SLC35F1: variants seen among roughly 807,000 people sequenced by gnomAD.
SLC35F1 encodes the protein solute carrier family 35 member F1, also known as chromosome 6 open reading frame 169.
Under a neutral mutation model 48.7 loss-of-function variants are expected in SLC35F1, and 14 were observed. The ratio of observed to expected loss-of-function variants is 0.29; its 90% CI spans 0.19 to 0.45. The LOEUF (loss-of-function observed/expected upper bound fraction) is 0.45, where lower values mean the gene tolerates loss of function less well. Among genes scored for constraint, SLC35F1 ranks in the 20% least tolerant of loss-of-function variants. The pLI is 1.00. For missense variants in SLC35F1, 404 were observed against 500.0 expected (o/e 0.81, Z 1.83); for synonymous variants, 190 against 202.2 (o/e 0.94, Z 0.51).
intron 1 of SLC35F1, among the ~76,000 whole-genome samples, chr6:117,996,055 A>G (rs889164082): frequency 1.3e-5 from 2 of 152,226 alleles, no homozygotes; most frequent in African/African-American, 4.8e-5. Context: ...AACATTACAA[A>G]GAGTATCATG....
Position 118,153,702 on chromosome 6 carries a change from G to GA in SLC35F1, c.174-737dup, listed in dbSNP as rs1354897056. Among the ~76,000 whole-genome samples, 6 of 152,262 alleles carry GA rather than the reference G, an allele frequency of 3.9e-5. No homozygotes were observed. The South Asian group carries it at 8.3e-4, about 21-fold the overall frequency. On this transcript the variant is annotated intron_variant, in intron 1 of 7. Coordinates refer to ENST00000360388, the MANE Select transcript of SLC35F1 (RefSeq NM_001029858.4). The stretch of plus-strand genomic sequence containing the variant: ...AGAGGTCTATAGGGGCAGCGCCTAT[G>GA]AAAAAAGCCACAAAAAATAAGTTGG...
chr6:118,108,089 T>G (rs1773350029), intron 1 of SLC35F1, among the ~76,000 whole-genome samples: 1 of 152,068 alleles, frequency 6.6e-6, no homozygotes, highest in Admixed American at 6.6e-5. Context: ...ATATAATTAT[T>G]TGGAGATTGA....
chr6:118,292,398 T>C (rs1425876977), intron 7 of SLC35F1, among the ~76,000 whole-genome samples: 2 of 152,180 alleles, frequency 1.3e-5, no homozygotes, highest in Non-Finnish European at 2.9e-5. Flanking sequence ...GGAGTTTCCA[T>C]GGCTAGAGGA....
intron 1 of SLC35F1, among the ~76,000 whole-genome samples, chr6:118,149,583 T>C (rs573217457): frequency 6.6e-6 from 1 of 152,314 alleles, no homozygotes; most frequent in African/African-American, 2.4e-5. Flanking sequence ...AATATCTAGC[T>C]CCCTGCAGTA....
intron 1 of SLC35F1, among the ~76,000 whole-genome samples, chr6:118,093,213 A>G (rs182960687): frequency 1.3e-5 from 2 of 152,182 alleles, no homozygotes; most frequent in East Asian, 3.9e-4. Context: ...CTACTCGGGA[A>G]GCTGAGGTAG....
At chr6:118,173,452 G>A (rs75984864) in intron 2 of SLC35F1, among the ~76,000 whole-genome samples, 14 of 151,026 alleles carry the variant, frequency 9.3e-5, no homozygotes, top group African/African-American at 1.7e-4. Flanking sequence ...CATATGGACC[G>A]GTGAGGCAGA....
chr6:118,134,437 G>T (rs139429024), intron 1 of SLC35F1, among the ~76,000 whole-genome samples: 4 of 152,276 alleles, frequency 2.6e-5, no homozygotes, highest in East Asian at 1.9e-4. Context: ...GCACTCCAGG[G>T]GCATAAGAGC....
At chr6:118,164,543 A>C (rs527240239) in intron 2 of SLC35F1, among the ~76,000 whole-genome samples, 1 of 152,336 alleles carries the variant, frequency 6.6e-6, no homozygotes, top group Non-Finnish European at 1.5e-5. Flanking sequence ...TTCATAAGTC[A>C]GGATAATAAT....
In SLC35F1 at chr6:118,059,692, T is replaced by C. The variant is rs1772509913; in HGVS notation, c.174-94753T>C. ...AGGGAAAAAGAGGCATGGACAGTCATGTGCTGGTTTTAAAAGCTGGAAGCA... is the reference window on the plus strand; with the variant it reads ...AGGGAAAAAGAGGCATGGACAGTCACGTGCTGGTTTTAAAAGCTGGAAGCA... On this transcript the variant is annotated intron_variant, in intron 1 of 7. Coordinates refer to ENST00000360388, the MANE Select transcript of SLC35F1 (RefSeq NM_001029858.4). 2.0e-5 allele frequency among the ~76,000 whole-genome samples: 3 copies of C among 152,206 alleles called. No individual in the cohort carries two copies. The South Asian group carries it at 6.2e-4, about 31-fold the overall frequency.
At chr6:118,161,930 A>G (rs1478159322) in intron 2 of SLC35F1, among the ~76,000 whole-genome samples, 1 of 152,214 alleles carries the variant, frequency 6.6e-6, no homozygotes, top group Non-Finnish European at 1.5e-5. Context: ...GTACGTGGGA[A>G]TACACATGGT....
rs906371114 is a variant in SLC35F1, at chr6:118,314,536, G to T, written c.*284G>T. ...TTTTGAATCAAAAGCAAGTATTATT[G>T]TTATTATGATTTGTATTATTATTAT... On this transcript the variant is annotated 3_prime_UTR_variant, in exon 8 of 8. Coordinates refer to ENST00000360388, the MANE Select transcript of SLC35F1 (RefSeq NM_001029858.4). 1 of 417,820 alleles carries T rather than the reference G, an allele frequency of 2.4e-6. No homozygotes were observed. The highest frequency in any genetic ancestry group is 4.4e-6 in the Non-Finnish European group (1 of 228,804). 25.9% of individuals were successfully genotyped at this position (417,820 alleles called of 1,614,324 possible).
intron 1 of SLC35F1, among the ~76,000 whole-genome samples, chr6:118,054,966 G>T (rs1772443357): frequency 6.6e-6 from 1 of 151,982 alleles, no homozygotes; most frequent in African/African-American, 2.4e-5. Flanking sequence ...TAGTGGAGAC[G>T]GGGTTTCACC....
chr6:118,258,720 C>T (rs577257884), intron 3 of SLC35F1, among the ~76,000 whole-genome samples: 1 of 151,662 alleles, frequency 6.6e-6, no homozygotes, highest in South Asian at 2.1e-4. Flanking sequence ...ATAACATGAC[C>T]CTAAAATGGA....
intron 1 of SLC35F1, among the ~76,000 whole-genome samples, chr6:118,129,327 C>T (rs943699415): frequency 2.6e-5 from 4 of 151,466 alleles, no homozygotes; most frequent in South Asian, 2.1e-4. Flanking sequence ...AGTGGGAATA[C>T]GAAGAAGCAG....
At chr6:118,300,886 A>G (rs1776247700) in intron 7 of SLC35F1, among the ~76,000 whole-genome samples, 1 of 152,172 alleles carries the variant, frequency 6.6e-6, no homozygotes, top group African/African-American at 2.4e-5. Context: ...ATTTAATTAG[A>G]ATGTACATGT....
At chr6:118,313,974 G>C in intron 7 of SLC35F1, 54 bp from the exon 8 acceptor site, 1 of 1,522,064 alleles carries the variant, frequency 6.6e-7, no homozygotes, top group African/African-American at 1.4e-5. Context: ...CCTCATTAAT[G>C]TGTCAGTGGT....
chr6:117,973,482 T>C (rs751065567), intron 1 of SLC35F1, among the ~76,000 whole-genome samples: 1 of 152,194 alleles, frequency 6.6e-6, no homozygotes, highest in African/African-American at 2.4e-5. Context: ...GCTGGTTTGA[T>C]GATGATATGC....
chr6:118,041,057 G>A (rs1443659210), intron 1 of SLC35F1, among the ~76,000 whole-genome samples: 1 of 151,966 alleles, frequency 6.6e-6, no homozygotes, highest in Non-Finnish European at 1.5e-5. Flanking sequence ...AGACTTAAAT[G>A]TTCTGTACTT....
intron 2 of SLC35F1, among the ~76,000 whole-genome samples, chr6:118,185,016 C>T (rs528243056): frequency 2.6e-5 from 4 of 152,162 alleles, no homozygotes; most frequent in Admixed American, 6.5e-5. Flanking sequence ...TCTTGTCCAG[C>T]AGCTCTTGGC....
Sources: allele counts gnomAD v4.1 joint callset (sites outside exome capture counted in the v4.1 genomes callset), GRCh38; gene constraint gnomAD v4.1.1; transcripts MANE v1.5; gene names NCBI Gene and HGNC (gene_info 2026-07-23, HGNC 2026-07-21).